L3HYPDH: variants seen among roughly 807,000 people sequenced by gnomAD.
L3HYPDH encodes trans-3-hydroxy-L-proline dehydratase.
L3HYPDH carries 32 observed loss-of-function variants against 26.5 expected under a neutral mutation model. The ratio of observed to expected loss-of-function variants is 1.21; its 90% CI spans 0.91 to 1.62. The LOEUF is 1.62. Among genes scored for constraint, L3HYPDH ranks in the 40% most tolerant of loss-of-function variants. L3HYPDH has a pLI of 0.00. For missense variants in L3HYPDH, 554 were observed against 476.4 expected, an observed-to-expected ratio of 1.16 and a Z score of -1.52; for synonymous variants, 215 against 196.6, an observed-to-expected ratio of 1.09 and a Z score of -0.78.
intron 4 of L3HYPDH, among the ~76,000 whole-genome samples, chr14:59,473,414 G>C (rs1889406265): frequency 6.6e-6 from 1 of 152,120 alleles, no homozygotes; most frequent in South Asian, 2.1e-4. Context: ...TACTAACATA[G>C]AGATAGTTTG....
the L3HYPDH span, chr14:59,503,889 T>C: frequency 6.2e-7 from 1 of 1,612,804 alleles, no homozygotes; most frequent in Admixed American, 1.7e-5. Flanking sequence ...AGAAAAGACT[T>C]ATTGTTCTCT....
chr14:59,498,660 A>C, the L3HYPDH span: 1 of 884,614 alleles, frequency 1.1e-6, no homozygotes, highest in South Asian at 1.9e-5. Flanking sequence ...TTCATTTAAA[A>C]ATGATCAAGA....
intron 4 of L3HYPDH, among the ~76,000 whole-genome samples, 183 bp from the exon 5 acceptor site, chr14:59,473,273 A>T (rs560095600): frequency 6.6e-6 from 1 of 152,194 alleles, no homozygotes; most frequent in African/African-American, 2.4e-5. Flanking sequence ...GTAGCTGTAA[A>T]GTGGGGATCA....
At chr14:59,468,872 A>G (rs971566768), downstream of L3HYPDH, among the ~76,000 whole-genome samples, 2 of 152,198 alleles carry the variant, frequency 1.3e-5, no homozygotes, top group African/African-American at 2.4e-5. Context: ...TGCAGTGAAG[A>G]AGGAGAGGTC....
chr14:59,467,107 C>A (rs1239339576), intron 1 of L3HYPDH, among the ~76,000 whole-genome samples: 1 of 152,042 alleles, frequency 6.6e-6, no homozygotes, highest in Non-Finnish European at 1.5e-5. Context: ...AGCCACCGGC[C>A]AACACAGTAT....
downstream of L3HYPDH, among the ~76,000 whole-genome samples, chr14:59,470,956 G>C (rs1158416400): frequency 4.1e-4 from 4 of 9,760 alleles, no homozygotes; most frequent in South Asian, 2.6e-3. Context: ...GGCTGGGGGC[G>C]GGGGGGGGGG....
At chr14:59,500,873 C>T in the L3HYPDH span, 1 of 195,542 alleles carries the variant, frequency 5.1e-6, no homozygotes, top group East Asian at 1.3e-4. Context: ...GAGTATGAAA[C>T]GTATGTTTTA....
chr14:59,505,080 T>A, the L3HYPDH span: 1 of 428,572 alleles, frequency 2.3e-6, no homozygotes, highest in South Asian at 5.9e-5. Flanking sequence ...ATTTTTATTG[T>A]TTAGAAGTTT....
Position 59,476,181 on chromosome 14 carries a change from C to G in L3HYPDH, c.712G>C (p.Ala238Pro). The change falls in exon 3 of 5, where the codon GCC becomes CCC. Residue 238 changes from alanine to proline, a missense_variant. Ala to Pro is a conservative substitution (Grantham distance 27). Transcript: ENST00000247194. ...KINHPDSEDL[A>P]FLYGTILTDG... ...GTTAATATAGTTCCATATAAAAAGG[C>G]AAGGTCTTCACTATCAGGATGATTA... The G allele has an allele frequency of 6.2e-7, 1 of 1,609,000 alleles. No individual in the cohort carries two copies. The highest frequency in any genetic ancestry group is 8.5e-7 in the Non-Finnish European group (1 of 1,175,852).
At chr14:59,486,951 A>C (rs1268768337), upstream of L3HYPDH, 2 of 640,668 alleles carry the variant, frequency 3.1e-6, no homozygotes, top group Admixed American at 2.9e-5. Context: ...CTGTAATCCC[A>C]GCACTTTGGG....
the L3HYPDH span, chr14:59,501,037 T>G: frequency 1.8e-6 from 1 of 565,910 alleles, no homozygotes; most frequent in African/African-American, 1.9e-5. Flanking sequence ...AGAAAAAGCT[T>G]GCTGGCCACT....
chr14:59,503,276 G>A, the L3HYPDH span, among the ~76,000 whole-genome samples: 1,117 of 152,212 alleles, frequency 7.3e-3, 14 homozygotes, highest in African/African-American at 0.025. Context: ...TGCAAATTAC[G>A]TTTTAATGTG....
At chr14:59,474,553 T>G (rs911348663) in intron 4 of L3HYPDH, 12 of 697,862 alleles carry the variant, frequency 1.7e-5, no homozygotes, top group Non-Finnish European at 2.9e-5. Flanking sequence ...CATTGACCTT[T>G]TGCTTTGTCT....
In L3HYPDH at chr14:59,484,208, C is replaced by T. The variant is rs529782426; in HGVS notation, c.109G>A (p.Ala37Thr). The change falls in exon 1 of 5, where the codon GCG becomes ACG. Residue 37 changes from alanine to threonine, a missense_variant. Physicochemically the swap from Ala to Thr is moderately conservative, Grantham distance 58 (BLOSUM62 0). Transcript: ENST00000247194. ...TGGEPLRIVL[A>T]GCPEVSGPTL... ...GGCCCAGACACCTCCGGACACCCCG[C>T]CAGCACGATACGCAAGGGCTCGCCG... 6 of 1,598,880 alleles carry T rather than the reference C, an allele frequency of 3.8e-6. No individual in the cohort carries two copies. In the South Asian group the frequency reaches 5.5e-5, roughly 15 times the overall value.
rs371522989 is a variant in L3HYPDH at position 59,476,232 on chromosome 14, A to C, written c.679-18T>G. 1 of 1,375,162 alleles carries C rather than the reference A, an allele frequency of 7.3e-7. No homozygotes were observed. The allele number at this position is 1,375,162 out of a possible 1,614,324, so 85.2% of individuals were successfully genotyped here. A position where few individuals can be genotyped will look rare whatever the true frequency, so the allele number is the denominator to read the frequency against. On this transcript the variant is annotated intron_variant, in intron 2 of 4. Transcript: ENST00000247194. ...ATTTTAAACTGCAAGTAACAAAAAAAGATCACATGCAAAATAAATATTTTG... is the reference window on the plus strand; with the variant it reads ...ATTTTAAACTGCAAGTAACAAAAAACGATCACATGCAAAATAAATATTTTG...
downstream of L3HYPDH, among the ~76,000 whole-genome samples, chr14:59,469,281 G>A (rs185024381): frequency 2.6e-5 from 4 of 152,174 alleles, no homozygotes; most frequent in South Asian, 2.1e-4. Flanking sequence ...GAGGCCAGGC[G>A]CGGTGGCTCA....
the L3HYPDH span, among the ~76,000 whole-genome samples, chr14:59,500,109 A>G: frequency 6.6e-6 from 1 of 152,170 alleles, no homozygotes; most frequent in Non-Finnish European, 1.5e-5. Flanking sequence ...ATCATTAGCA[A>G]CATTGTTTAG....
At chr14:59,477,262 CATAT>C (rs1440877044) in intron 2 of L3HYPDH, among the ~76,000 whole-genome samples, 1 of 152,180 alleles carries the variant, frequency 6.6e-6, no homozygotes, top group Non-Finnish European at 1.5e-5. Flanking sequence ...GAATGTCTAA[CATAT>C]ATACAGTATG....
intron 4 of L3HYPDH, among the ~76,000 whole-genome samples, chr14:59,475,638 T>G (rs1381431238): frequency 6.6e-6 from 1 of 152,184 alleles, no homozygotes; most frequent in African/African-American, 2.4e-5. Flanking sequence ...AATGTCATTA[T>G]TATGAACACA....
Sources: allele counts gnomAD v4.1 joint callset (sites outside exome capture counted in the v4.1 genomes callset), GRCh38; gene constraint gnomAD v4.1.1; transcripts MANE v1.5; gene names NCBI Gene and HGNC (gene_info 2026-07-23, HGNC 2026-07-21).